Variants in KLHDC4 observed in about 807,000 individuals in gnomAD.
The protein encoded by KLHDC4 is kelch domain containing 4.
Under a neutral mutation model 62.4 loss-of-function variants are expected in KLHDC4, and 90 were observed. The observed-to-expected ratio is 1.44, with a 90% CI of 1.22 to 1.72. KLHDC4 has a LOEUF of 1.72. Ranked by LOEUF, KLHDC4 falls within the 40% of genes most tolerant of loss-of-function variation. The pLI is 0.00. For missense variants in KLHDC4, 1,025 were observed against 699.7 expected (o/e 1.47, Z -5.25); for synonymous variants, 386 against 284.4 (o/e 1.36, Z -3.59).
At chr16:87,749,881 C>T (rs553851176) in intron 4 of KLHDC4, among the ~76,000 whole-genome samples, 6 of 152,252 alleles carry the variant, frequency 3.9e-5, no homozygotes, top group East Asian at 3.9e-4. Flanking sequence ...CCCAGCCTTA[C>T]GTGACATTAT....
chr16:87,744,835 A>G (rs928052115), intron 5 of KLHDC4, among the ~76,000 whole-genome samples: 2 of 148,376 alleles, frequency 1.3e-5, no homozygotes, highest in Non-Finnish European at 3.0e-5. Context: ...CAGGTTCTCC[A>G]GATCACTGCG....
chr16:87,741,282 C>T (rs937540477), intron 5 of KLHDC4, among the ~76,000 whole-genome samples: 1 of 152,228 alleles, frequency 6.6e-6, no homozygotes, highest in Non-Finnish European at 1.5e-5. Flanking sequence ...CTGGCCTGGA[C>T]AGAGGCCCAG....
chr16:87,741,842 A>C (rs779633418), intron 5 of KLHDC4, among the ~76,000 whole-genome samples: 2 of 152,234 alleles, frequency 1.3e-5, no homozygotes, highest in Admixed American at 1.3e-4. Flanking sequence ...TCCTCGGCTG[A>C]AAAACCAACT....
In KLHDC4 at chr16:87,708,091, G is replaced by A; in HGVS notation, c.*2-16C>T. Reference sequence around the variant, plus strand: ...AGGGGCTCTTCTGATACGCAAGGAGGAAGGAATGAGAGAGAAACACATTCA... The same window carrying A: ...AGGGGCTCTTCTGATACGCAAGGAGAAAGGAATGAGAGAGAAACACATTCA... On this transcript the variant is annotated splice_polypyrimidine_tract_variant and intron_variant, in intron 11 of 11. Transcript: ENST00000270583. 1 of 618,730 alleles carries A rather than the reference G, an allele frequency of 1.6e-6. No individual in the cohort carries two copies. 38.3% of individuals were successfully genotyped at this position (618,730 alleles called of 1,614,324 possible). A position where few individuals can be genotyped will look rare whatever the true frequency, so the allele number is the denominator to read the frequency against.
chr16:87,731,576 C>A (rs774242685), intron 5 of KLHDC4, among the ~76,000 whole-genome samples: 1 of 151,846 alleles, frequency 6.6e-6, no homozygotes, highest in Non-Finnish European at 1.5e-5. Context: ...GCTGGGCACC[C>A]GAGATCAAGA....
Position 87,711,556 on chromosome 16 carries a change from G to C in KLHDC4, c.836-113C>G, listed in dbSNP as rs549464244. On this transcript the variant is annotated intron_variant, in intron 8 of 11. Coordinates refer to ENST00000270583, the MANE Select transcript of KLHDC4 (RefSeq NM_017566.4). ...CCCCAGAATGGGGTAAATGAAAACC[G>C]TGAGACTGTGGGCAAAAACTCTGCT... 6.2e-4 allele frequency: 538 copies of C among 866,340 alleles called. 1 individual carries two copies. The highest frequency in any genetic ancestry group is 8.4e-4 in the Admixed American group (29 of 34,550). The allele number at this position is 866,340 out of a possible 1,614,324, so 53.7% of individuals were successfully genotyped here. A position where few individuals can be genotyped will look rare whatever the true frequency, so the allele number is the denominator to read the frequency against.
chr16:87,745,151 C>G (rs2042851965), intron 5 of KLHDC4, among the ~76,000 whole-genome samples: 1 of 152,200 alleles, frequency 6.6e-6, no homozygotes, highest in African/African-American at 2.4e-5. Flanking sequence ...TTCCAATGAG[C>G]AGGTGCCACC....
chr16:87,741,848 C>T (rs1004376125), intron 5 of KLHDC4, among the ~76,000 whole-genome samples: 1 of 152,168 alleles, frequency 6.6e-6, no homozygotes. Context: ...GCTGAAAAAC[C>T]AACTCCCCCA....
At chr16:87,757,681 G>C (rs1282054210) in intron 2 of KLHDC4, among the ~76,000 whole-genome samples, 1 of 151,972 alleles carries the variant, frequency 6.6e-6, no homozygotes, top group Non-Finnish European at 1.5e-5. Context: ...CCTGAGGTGA[G>C]GAGTTCAAGA....
chr16:87,735,946 T>A (rs1433099020), intron 5 of KLHDC4, among the ~76,000 whole-genome samples: 1 of 152,232 alleles, frequency 6.6e-6, no homozygotes, highest in Non-Finnish European at 1.5e-5. Flanking sequence ...CAGTCAGAAT[T>A]AAACACTCTG....
chr16:87,714,511 C>T lies in KLHDC4; in HGVS notation c.822G>A (p.Glu274=). The part of the protein sequence containing the change: ...RHSDMFLLKP[E]DGREDKWVWT... ...CAGCACCTCTACCTTCTCTTCCGTC[C>T]TCTGGCTTCAGCAGGAACATGTCTG... is the stretch of plus-strand genomic sequence containing the variant. The change falls in exon 8 of 12, where the codon GAG becomes GAA. Residue 274 remains glutamate (E), a synonymous_variant. Transcript: ENST00000270583. 1 of 1,614,198 alleles carries T rather than the reference C, an allele frequency of 6.2e-7. No individual in the cohort carries two copies. Among genetic ancestry groups the T allele is most frequent in the South Asian group, 1.1e-5 (1 of 91,082 alleles).
chr16:87,748,851 C>T (rs1386304701), intron 4 of KLHDC4, 42 bp from the exon 5 acceptor site: 1 of 1,608,378 alleles, frequency 6.2e-7, no homozygotes, highest in African/African-American at 1.4e-5. Context: ...AGCCACACAG[C>T]AGAAGGGCCA....
exon 1 of KLHDC4, chr16:87,701,797 G>A (rs1387558333): frequency 2.2e-6 from 1 of 456,698 alleles, no homozygotes; most frequent in Admixed American, 2.3e-5. Flanking sequence ...TCCCGTCTGT[G>A]CCCCATGGGA....
At chr16:87,722,916 C>T (rs1457129783) in intron 7 of KLHDC4, among the ~76,000 whole-genome samples, 3 of 152,168 alleles carry the variant, frequency 2.0e-5, no homozygotes, top group African/African-American at 2.4e-5. Context: ...GGGTGGGTGG[C>T]GGGTGGCAGG....
At chr16:87,754,115 G>A (rs2044477426) in intron 4 of KLHDC4, among the ~76,000 whole-genome samples, 2 of 151,970 alleles carry the variant, frequency 1.3e-5, no homozygotes, top group East Asian at 1.9e-4. Flanking sequence ...ACTCCAGGCT[G>A]GGAGACAGAG....
intron 4 of KLHDC4, 63 bp downstream of exon 4, chr16:87,755,131 G>A (rs762689039): frequency 2.1e-5 from 24 of 1,131,336 alleles, no homozygotes; most frequent in East Asian, 4.8e-5. Flanking sequence ...TCAACTCTCC[G>A]TGTGTCTACC....
At chr16:87,719,352 T>A (rs1213664624) in intron 7 of KLHDC4, among the ~76,000 whole-genome samples, 1 of 152,252 alleles carries the variant, frequency 6.6e-6, no homozygotes, top group Non-Finnish European at 1.5e-5. Context: ...GGGATGCTGT[T>A]AATCTATAAC....
At chr16:87,711,172 T>C (rs2035736886) in intron 9 of KLHDC4, 63 bp downstream of exon 9, 1 of 1,560,198 alleles carries the variant, frequency 6.4e-7, no homozygotes. Flanking sequence ...AGGAAGGCAG[T>C]GGTGGCAGGG....
intron 1 of KLHDC4, chr16:87,765,146 G>A (rs747825227): frequency 2.2e-6 from 1 of 456,068 alleles, no homozygotes; most frequent in East Asian, 7.0e-5. Context: ...GGGAATCCAT[G>A]AGCAGCAGCC....
Sources: allele counts gnomAD v4.1 joint callset (sites outside exome capture counted in the v4.1 genomes callset), GRCh38; gene constraint gnomAD v4.1.1; transcripts MANE v1.5; gene names NCBI Gene and HGNC (gene_info 2026-07-23, HGNC 2026-07-21).